CSMD2: variants seen among roughly 807,000 people sequenced by gnomAD.
CSMD2 encodes the protein CUB and sushi domain-containing protein 2.
A neutral mutation model predicts 398.5 loss-of-function variants in CSMD2; 130 were observed. The observed-to-expected ratio is 0.33, with a 90% CI of 0.28 to 0.38. CSMD2 has a LOEUF of 0.38. Among genes scored for constraint, CSMD2 ranks in the 10% least tolerant of loss-of-function variants. The pLI is 1.00. For synonymous variants in CSMD2, 1,828 were observed against 1,908.5 expected, an observed-to-expected ratio of 0.96 and a Z score of 1.10; for missense variants, 3,829 against 4,764.9, an observed-to-expected ratio of 0.80 and a Z score of 5.78.
At chr1:33,541,418 T>G in intron 58 of CSMD2, 109 bp from the exon 59 acceptor site, 1 of 832,712 alleles carries the variant, frequency 1.2e-6, no homozygotes, top group African/African-American at 1.7e-5. Flanking sequence ...AACTGTCAGA[T>G]CAGGGATGCC....
rs1308997715 is a variant in CSMD2, at chr1:33,926,939, C to G, written c.713-8638G>C. ...AATGGAGAAAACAGGACATTATCCT[C>G]TCTACTTCAGGCCAGCTCTAGGGTA... On this transcript the variant is annotated intron_variant, in intron 4 of 70. Coordinates refer to ENST00000373381, the MANE Select transcript of CSMD2 (RefSeq NM_001281956.2). 7.2e-5 allele frequency among the ~76,000 whole-genome samples: 11 copies of G among 152,224 alleles called. 1 individual carries two copies. Among genetic ancestry groups the G allele is most frequent in the Admixed American group, 7.2e-4 (11 of 15,284 alleles).
chr1:33,829,842 C>T (rs1437270192), intron 6 of CSMD2, among the ~76,000 whole-genome samples: 4 of 151,974 alleles, frequency 2.6e-5, no homozygotes, highest in African/African-American at 9.7e-5. Flanking sequence ...GGAAATGGCA[C>T]ACCAGGAGAT....
At chr1:33,735,424 C>T (rs1224728898) in intron 15 of CSMD2, among the ~76,000 whole-genome samples, 2 of 152,002 alleles carry the variant, frequency 1.3e-5, no homozygotes, top group Non-Finnish European at 1.5e-5. Flanking sequence ...GCAGGTACGC[C>T]GGTGTAGCTG....
chr1:33,936,574 G>A (rs1644486865), intron 3 of CSMD2, among the ~76,000 whole-genome samples: 1 of 152,234 alleles, frequency 6.6e-6, no homozygotes, highest in African/African-American at 2.4e-5. Context: ...GAAACACCAT[G>A]CACAGTGTGT....
chr1:33,914,332 G>A (rs987944448), intron 5 of CSMD2, among the ~76,000 whole-genome samples: 1 of 152,114 alleles, frequency 6.6e-6, no homozygotes, highest in Non-Finnish European at 1.5e-5. Flanking sequence ...GGATGACTTG[G>A]TGATGTGAAT....
rs768925938 is a variant in CSMD2, at chr1:33,533,188, C to T, written c.10033G>A (p.Val3345Ile). 20 of 1,613,796 alleles carry T rather than the reference C, an allele frequency of 1.2e-5. No individual in the cohort carries two copies. The highest frequency in any genetic ancestry group is 1.1e-4 in the East Asian group (5 of 44,884). Residue 3345 changes from valine to isoleucine, a missense_variant, in exon 64 of 71, where the codon GTC becomes ATC. By Grantham distance (29) the Val-to-Ile change is conservative. This residue lies in a region of CSMD2 where 917 missense variants were observed against 1,199.5 expected (regional missense o/e 0.76). Transcript: ENST00000373381. This position sits in a 1 kb window ranked among gnomAD's most constrained non-coding sequence, Gnocchi z 4.2. ...RQPETPTHAN[V>I]GALDLPSMGY... The stretch of plus-strand genomic sequence containing the variant: ...ATGGAGGGCAAATCCAGGGCCCCGA[C>T]GTTGGCATGCGTTGGCGTCTCTGGC...
Position 33,698,835 on chromosome 1 carries a change from T to C in CSMD2, c.3843A>G (p.Gly1281=). The C allele has an allele frequency of 6.2e-7, 1 of 1,614,208 alleles. No homozygotes were observed. Among genetic ancestry groups the C allele is most frequent in the African/African-American group, 1.3e-5 (1 of 75,054 alleles). Residue 1281 remains glycine, a synonymous_variant, in exon 24 of 71, where the codon GGA becomes GGG. Transcript: ENST00000373381. ...GSSVSFSCDP[G]YSLRGSEELL... ...GCTCCTCACTACCCCGCAGGCTGTA[T>C]CCAGGGTCACAGCTGAAGGACACGG...
intron 3 of CSMD2, among the ~76,000 whole-genome samples, chr1:33,995,090 A>G (rs1324658311): frequency 6.7e-6 from 1 of 149,370 alleles, no homozygotes; most frequent in East Asian, 1.9e-4. Flanking sequence ...AAAAAAAAAA[A>G]GAAGTGTTTT....
chr1:33,643,875 G>A (rs765996658), intron 29 of CSMD2, among the ~76,000 whole-genome samples: 10 of 147,748 alleles, frequency 6.8e-5, no homozygotes, highest in Admixed American at 2.0e-4. Flanking sequence ...ATTAGGAGGT[G>A]TGTAGTCTGG....
At chr1:33,875,925 T>A (rs925211226) in intron 5 of CSMD2, among the ~76,000 whole-genome samples, 1 of 152,162 alleles carries the variant, frequency 6.6e-6, no homozygotes, top group African/African-American at 2.4e-5. Context: ...CTAGAGTGGT[T>A]TTGTCCGGCA....
chr1:33,991,249 C>G (rs577448885), intron 3 of CSMD2, among the ~76,000 whole-genome samples: 6 of 152,146 alleles, frequency 3.9e-5, no homozygotes, highest in African/African-American at 1.2e-4. Flanking sequence ...TCAAGCAATC[C>G]TCCTGCCTCA....
Position 33,519,746 on chromosome 1 carries a change from G to T in CSMD2, c.10736+66C>A. The stretch of plus-strand genomic sequence containing the variant: ...ACAGAGAGGCTTAGGGGTCTGGTGC[G>T]GGGGGCCCTGGAGGGAGAGAGGGAG... On this transcript the variant is annotated intron_variant, in intron 69 of 70. Transcript: ENST00000373381. This position sits in a 1 kb window ranked among gnomAD's most constrained non-coding sequence, Gnocchi z 5.6. 6.2e-7 allele frequency: 1 copy of T among 1,612,370 alleles called. No homozygotes were observed. The highest frequency in any genetic ancestry group is 1.1e-5 in the South Asian group (1 of 90,936).
At chr1:33,654,378 C>T (rs989757505) in intron 27 of CSMD2, among the ~76,000 whole-genome samples, 2 of 152,162 alleles carry the variant, frequency 1.3e-5, no homozygotes, top group Non-Finnish European at 2.9e-5. Context: ...GGGACTGGCT[C>T]CAAAGTCTGT....
chr1:33,954,843 C>T (rs1645114018), intron 3 of CSMD2, among the ~76,000 whole-genome samples: 1 of 152,008 alleles, frequency 6.6e-6, no homozygotes, highest in African/African-American at 2.4e-5. Flanking sequence ...ACTAAAGGGT[C>T]AGAGTTTCAG....
rs545311885 is a variant in CSMD2 at position 34,074,765 on chromosome 1, G to A, written c.404+14212C>T. ...ACACACGCGTGTGTAAAACCACAAA[G>A]GGTGAATGCATGGTAATCTGAGCAG... On this transcript the variant is annotated intron_variant, in intron 2 of 70. Coordinates refer to ENST00000373381, the MANE Select transcript of CSMD2 (RefSeq NM_001281956.2). Among the ~76,000 whole-genome samples, 3 of 152,162 alleles carry A rather than the reference G, an allele frequency of 2.0e-5. No individual in the cohort carries two copies. In the South Asian group the frequency reaches 6.2e-4, roughly 32 times the overall value.
At chr1:33,618,485 A>G (rs559607436) in intron 37 of CSMD2, among the ~76,000 whole-genome samples, 1 of 152,150 alleles carries the variant, frequency 6.6e-6, no homozygotes, top group Admixed American at 6.5e-5. Context: ...ATCTTGGCCT[A>G]GTCCTCTTTC....
At position 33,819,662 on chromosome 1, in the gene CSMD2, C is replaced by T. The variant is rs746279043; in HGVS notation, c.1324+51G>A. 1.3e-5 allele frequency: 21 copies of T among 1,576,558 alleles called. No homozygotes were observed. In the African/African-American group the frequency reaches 2.6e-4, roughly 19 times the overall value. ...GTGCTGGGAGCTGGGCTTCAGCCTC[C>T]AGGCTCAGCCCAACTCTCTGGCCAG... On this transcript the variant is annotated intron_variant, in intron 9 of 70. Transcript: ENST00000373381.
At chr1:33,864,084 G>GA in intron 5 of CSMD2, 1 of 1,097,858 alleles carries the variant, frequency 9.1e-7, no homozygotes, top group African/African-American at 1.6e-5. Context: ...CTTGCAGACA[G>GA]AAAAATTCGC....
intron 5 of CSMD2, among the ~76,000 whole-genome samples, chr1:33,891,217 C>T (rs1246069488): frequency 7.0e-6 from 1 of 142,574 alleles, no homozygotes; most frequent in African/African-American, 2.6e-5. Context: ...AAAAAAACAA[C>T]CCCATCAAAA....
Sources: allele counts gnomAD v4.1 joint callset (sites outside exome capture counted in the v4.1 genomes callset), GRCh38; gene constraint gnomAD v4.1.1; regional missense constraint gnomAD v4.1.1; non-coding constraint Gnocchi (gnomAD v3.1); transcripts MANE v1.5; gene names NCBI Gene and HGNC (gene_info 2026-07-23, HGNC 2026-07-21).